Variants in ARHGAP39 observed in about 807,000 individuals in gnomAD.
The protein encoded by ARHGAP39 is Rho GTPase activating protein 39.
ARHGAP39 carries 44 observed loss-of-function variants against 106.9 expected under a neutral mutation model. The ratio of observed to expected loss-of-function variants is 0.41; its 90% CI spans 0.32 to 0.53. The LOEUF is 0.53. Among genes scored for constraint, ARHGAP39 ranks in the 20% least tolerant of loss-of-function variants. ARHGAP39 has a pLI of 0.21. For synonymous variants in ARHGAP39, 768 were observed against 693.2 expected, an observed-to-expected ratio of 1.11 and a Z score of -1.69; for missense variants, 1,496 against 1,577.3, an observed-to-expected ratio of 0.95 and a Z score of 0.87.
intron 1 of ARHGAP39, among the ~76,000 whole-genome samples, chr8:144,609,584 G>C (rs908065308): frequency 6.6e-6 from 1 of 151,722 alleles, no homozygotes; most frequent in Non-Finnish European, 1.5e-5. Flanking sequence ...TTGTATATTT[G>C]GTAGAGACGG....
At chr8:144,563,134 G>C (rs953557470) in intron 3 of ARHGAP39, among the ~76,000 whole-genome samples, 3 of 152,236 alleles carry the variant, frequency 2.0e-5, no homozygotes, top group African/African-American at 7.2e-5. Context: ...ATGTGGATCA[G>C]AAAAGGCTTA....
Position 144,621,360 on chromosome 8 carries a change from C to T in ARHGAP39, c.-81-15665G>A, listed in dbSNP as rs567894161. 7.3e-4 allele frequency among the ~76,000 whole-genome samples: 111 copies of T among 152,370 alleles called. 2 individuals are homozygous for T. The South Asian group carries it at 0.013, about 17-fold the overall frequency. On this transcript the variant is annotated intron_variant, in intron 1 of 11. Transcript: ENST00000377307. The stretch of plus-strand genomic sequence containing the variant: ...TTCCAGGCCAACAGAGGCCCTCAAA[C>T]GCAGCTTGCCAGTTCCCAGGGGTGG...
chr8:144,533,459 G>C, intron 8 of ARHGAP39, 134 bp from the exon 9 acceptor site: 1 of 902,068 alleles, frequency 1.1e-6, no homozygotes, highest in Non-Finnish European at 1.7e-6. Flanking sequence ...CTGGGTCCGA[G>C]TGTGGTGTTT....
intron 1 of ARHGAP39, among the ~76,000 whole-genome samples, chr8:144,682,241 T>C (rs1201425055): frequency 1.2e-5 from 1 of 83,080 alleles, no homozygotes. Context: ...CAAGACTCTA[T>C]CTCAAAAAAA....
intron 10 of ARHGAP39, 71 bp downstream of exon 10, chr8:144,532,234 G>C (rs952752701): frequency 3.6e-6 from 5 of 1,390,572 alleles, no homozygotes; most frequent in Admixed American, 1.8e-5. Flanking sequence ...CCCCAGAGGC[G>C]GAGACAGGGG....
At chr8:144,569,215 G>T (rs973943346) in intron 3 of ARHGAP39, among the ~76,000 whole-genome samples, 1 of 152,138 alleles carries the variant, frequency 6.6e-6, no homozygotes, top group Non-Finnish European at 1.5e-5. Context: ...AACAAAGAGG[G>T]TCAATGATGA....
chr8:144,685,820 T>TCCGCCGCCGCCGCCGGCCC lies in ARHGAP39; in HGVS notation c.-235_-217dup, dbSNP rs1822576225. ...GCGGCAGCCCGTGCTGTCGGCGTCCTCCGCCGCCGCCGCCGGCCCAGTGCG... is the reference window on the plus strand; with the variant it reads ...GCGGCAGCCCGTGCTGTCGGCGTCCTCCGCCGCCGCCGCCGGCCCCCGCCGCCGCCGCCGGCCCAGTGCG... On this transcript the variant is annotated 5_prime_UTR_variant, in exon 1 of 12. Transcript: ENST00000377307. 6.8e-6 allele frequency among the ~76,000 whole-genome samples: 1 copy of TCCGCCGCCGCCGCCGGCCC among 147,502 alleles called. No individual in the cohort carries two copies. The highest frequency in any genetic ancestry group is 6.7e-5 in the Admixed American group (1 of 14,896).
chr8:144,568,161 G>A (rs1016243625), intron 3 of ARHGAP39, among the ~76,000 whole-genome samples: 1 of 151,590 alleles, frequency 6.6e-6, no homozygotes, highest in African/African-American at 2.4e-5. Flanking sequence ...GTGAACTCTC[G>A]TCTTTGCCAA....
intron 1 of ARHGAP39, among the ~76,000 whole-genome samples, chr8:144,663,560 GAACA>G (rs1181384763): frequency 3.9e-5 from 6 of 152,176 alleles, no homozygotes; most frequent in African/African-American, 1.4e-4. Context: ...TGGCGGGACT[GAACA>G]AACCACAGCC....
intron 2 of ARHGAP39, among the ~76,000 whole-genome samples, chr8:144,582,635 C>T (rs1447175830): frequency 6.6e-6 from 1 of 152,206 alleles, no homozygotes; most frequent in Non-Finnish European, 1.5e-5. Flanking sequence ...ATGAGGTGGG[C>T]GTGCTCAGGG....
At chr8:144,685,419 G>C (rs1822560227) in intron 1 of ARHGAP39, among the ~76,000 whole-genome samples, 1 of 150,628 alleles carries the variant, frequency 6.6e-6, no homozygotes, top group Non-Finnish European at 1.5e-5. Flanking sequence ...AGCCCGGCCC[G>C]TCGGCGCGCA....
intron 3 of ARHGAP39, among the ~76,000 whole-genome samples, chr8:144,567,474 C>T (rs1432125291): frequency 2.0e-5 from 3 of 152,140 alleles, no homozygotes; most frequent in East Asian, 1.9e-4. Flanking sequence ...CGCTACTTAG[C>T]GGACCAGGAA....
At chr8:144,582,829 G>C (rs1819043436) in intron 2 of ARHGAP39, among the ~76,000 whole-genome samples, 1 of 152,208 alleles carries the variant, frequency 6.6e-6, no homozygotes, top group Non-Finnish European at 1.5e-5. Flanking sequence ...AGGCAGATGA[G>C]AACTCCTGAG....
At chr8:144,639,634 C>A (rs978996175) in intron 1 of ARHGAP39, among the ~76,000 whole-genome samples, 1 of 151,824 alleles carries the variant, frequency 6.6e-6, no homozygotes, top group South Asian at 2.1e-4. Flanking sequence ...ACAAAACCAA[C>A]ATTTTAACAA....
Position 144,601,833 on chromosome 8 carries a change from G to C in ARHGAP39, c.80+3702C>G, listed in dbSNP as rs2130935238. ...TGTGTGTGGAGGCGTGTGTGCTCGT[G>C]TACCTGTGTGCATGTGCGTAGAGGT... On this transcript the variant is annotated intron_variant, in intron 2 of 11. Transcript: ENST00000377307. Among the ~76,000 whole-genome samples the C allele has an allele frequency of 3.5e-5, 5 of 144,184 alleles. No individual in the cohort carries two copies. The Admixed American group carries it at 3.5e-4, about 10-fold the overall frequency. 94.6% of individuals were successfully genotyped at this position (144,184 alleles called of 152,430 possible).
chr8:144,537,062 A>G (rs1031704695), intron 7 of ARHGAP39, among the ~76,000 whole-genome samples: 5 of 152,090 alleles, frequency 3.3e-5, no homozygotes, highest in East Asian at 1.9e-4. Context: ...GTGAGCGCGG[A>G]GCTGACTTGG....
At chr8:144,633,099 G>A (rs771217945) in intron 1 of ARHGAP39, among the ~76,000 whole-genome samples, 9 of 151,962 alleles carry the variant, frequency 5.9e-5, no homozygotes, top group Non-Finnish European at 1.2e-4. Context: ...GCTGAGATCC[G>A]CCACTGCACT....
intron 1 of ARHGAP39, among the ~76,000 whole-genome samples, chr8:144,666,592 T>TG (rs955508726): frequency 6.6e-6 from 1 of 152,286 alleles, no homozygotes; most frequent in South Asian, 2.1e-4. Flanking sequence ...AATGGGTTTA[T>TG]GGGGGGCTTC....
At chr8:144,575,550 T>A (rs1466323789) in intron 3 of ARHGAP39, among the ~76,000 whole-genome samples, 1 of 152,124 alleles carries the variant, frequency 6.6e-6, no homozygotes, top group African/African-American at 2.4e-5. Flanking sequence ...AACACCACCG[T>A]CTTCCCATTG....
Sources: gnomAD v4.1 joint callset for allele counts (sites outside exome capture counted in the v4.1 genomes callset) on GRCh38, gnomAD v4.1.1 for gene constraint, MANE v1.5 for transcripts, NCBI Gene and HGNC (gene_info 2026-07-23, HGNC 2026-07-21) for gene names.